The following PALD1 variants were observed in gnomAD, a reference collection of about 807,000 sequenced individuals.
PALD1 encodes the protein phosphatase domain containing paladin 1.
In PALD1, 57 loss-of-function variants were observed where a neutral mutation model predicts 96.0. That is an observed-to-expected ratio of 0.59 (90% CI 0.48 to 0.74). The LOEUF is 0.74. Among genes scored for constraint, PALD1 ranks in the 30% least tolerant of loss-of-function variants. The pLI, the probability that PALD1 is intolerant of heterozygous loss-of-function variation, is 0.00. For missense variants in PALD1, 1,063 were observed against 1,143.7 expected (o/e 0.93, Z 1.02); for synonymous variants, 464 against 473.6 (o/e 0.98, Z 0.26).
At chr10:70,497,507 T>C (rs923821814) in intron 1 of PALD1, among the ~76,000 whole-genome samples, 1 of 151,922 alleles carries the variant, frequency 6.6e-6, no homozygotes, top group African/African-American at 2.4e-5. Flanking sequence ...ATCTGCTCCA[T>C]CTCTCCATCC....
intron 1 of PALD1, among the ~76,000 whole-genome samples, chr10:70,482,000 T>C (rs968596913): frequency 2.0e-5 from 3 of 152,220 alleles, no homozygotes; most frequent in African/African-American, 7.2e-5. Context: ...GTGCAAAGCA[T>C]GTGGCCCAGT....
At position 70,510,393 on chromosome 10, in the gene PALD1, C is replaced by A. The variant is rs56956964; in HGVS notation, c.-29-15530C>A. Among the ~76,000 whole-genome samples, 508 of 152,240 alleles carry A rather than the reference C, an allele frequency of 3.3e-3. 3 individuals carry two copies. The highest frequency in any genetic ancestry group is 0.012 in the African/African-American group (480 of 41,526). The stretch of plus-strand genomic sequence containing the variant: ...TTAGGCCACTCTGAGTTTCTGCTGA[C>A]CTTGAAATGTCCAAATGCCTGACTT... On this transcript the variant is annotated intron_variant, in intron 1 of 19. Transcript: ENST00000263563.
rs182280659 is a variant in PALD1, at chr10:70,540,480, C to T, written c.1909-622C>T. Among the ~76,000 whole-genome samples the T allele has an allele frequency of 3.3e-5, 5 of 151,644 alleles. No homozygotes were observed. In the East Asian group the frequency reaches 7.7e-4, roughly 23 times the overall value. On this transcript the variant is annotated intron_variant, in intron 15 of 19. Transcript: ENST00000263563. The surrounding 1 kb of genome is among the most constrained non-coding windows in gnomAD (Gnocchi z 4.2). ...GTGTCTGTATAGTGTGTGTGTTTAC[C>T]GGACGTGGATCCCTGTGTGGTGCGT...
chr10:70,503,641 A>G (rs746670029), intron 1 of PALD1, among the ~76,000 whole-genome samples: 1 of 152,208 alleles, frequency 6.6e-6, no homozygotes, highest in African/African-American at 2.4e-5. Flanking sequence ...CTCAGAAGAA[A>G]AAAAAGAGAA....
chr10:70,522,106 G>C (rs1243483888), intron 1 of PALD1, among the ~76,000 whole-genome samples: 1 of 152,204 alleles, frequency 6.6e-6, no homozygotes, highest in East Asian at 1.9e-4. Context: ...CAAGGCTGCA[G>C]TGGCTCAGCT....
intron 17 of PALD1, among the ~76,000 whole-genome samples, chr10:70,543,466 G>A (rs188625720): frequency 1.3e-5 from 2 of 152,278 alleles, no homozygotes; most frequent in Non-Finnish European, 2.9e-5. Flanking sequence ...CCAATGTCAT[G>A]AAGCTTCTCC....
At chr10:70,472,322 G>A in the PALD1 span, among the ~76,000 whole-genome samples, 7 of 152,080 alleles carry the variant, frequency 4.6e-5, no homozygotes, top group Non-Finnish European at 4.4e-5. Flanking sequence ...GTGCAATGAC[G>A]CGATCTTGGC....
At chr10:70,507,741 T>TTGTGTG (rs1396668064) in intron 1 of PALD1, among the ~76,000 whole-genome samples, 3 of 127,268 alleles carry the variant, frequency 2.4e-5, no homozygotes, top group South Asian at 2.8e-4. Flanking sequence ...TTTGTATGTT[T>TTGTGTG]TGTGTGTGCG....
At chr10:70,536,911 C>G (rs912321534) in intron 10 of PALD1, among the ~76,000 whole-genome samples, 5 of 152,178 alleles carry the variant, frequency 3.3e-5, no homozygotes, top group African/African-American at 1.2e-4. Flanking sequence ...GACAACCCCC[C>G]ATGCAGAGGA....
At chr10:70,511,538 T>G (rs1046934757) in intron 1 of PALD1, among the ~76,000 whole-genome samples, 1 of 152,234 alleles carries the variant, frequency 6.6e-6, no homozygotes, top group Non-Finnish European at 1.5e-5. Flanking sequence ...TCACAGAATA[T>G]CATGGACTGG....
intron 1 of PALD1, among the ~76,000 whole-genome samples, chr10:70,482,410 G>T (rs984499647): frequency 2.0e-5 from 3 of 152,196 alleles, no homozygotes; most frequent in Non-Finnish European, 4.4e-5. Flanking sequence ...TTGGGCCAAG[G>T]CACTTGCAGA....
chr10:70,560,678 C>G (rs912207620), intron 18 of PALD1, among the ~76,000 whole-genome samples: 1 of 151,886 alleles, frequency 6.6e-6, no homozygotes, highest in South Asian at 2.1e-4. Flanking sequence ...CGGCAAAGAG[C>G]AGAGCTTCAT....
intron 18 of PALD1, among the ~76,000 whole-genome samples, chr10:70,563,693 G>A (rs1285195574): frequency 6.6e-6 from 1 of 152,206 alleles, no homozygotes; most frequent in Non-Finnish European, 1.5e-5. Flanking sequence ...GTCACTTAGG[G>A]ACCTTTGGGC....
Position 70,564,468 on chromosome 10 carries a change from C to T in PALD1, c.2367C>T (p.His789=). ...TGATTCTCTTCAACGCGTACCTCCA[C>T]CTGGAGAAGGCCGACTCCTGGCAGA... ...VCLILFNAYL[H]LEKADSWQRP... Residue 789 remains histidine (H), a synonymous_variant, in exon 19 of 20, where the codon CAC becomes CAT. Transcript: ENST00000263563. The T allele has an allele frequency of 6.2e-7, 1 of 1,614,146 alleles. No homozygotes were observed. Among genetic ancestry groups the T allele is most frequent in the Non-Finnish European group, 8.5e-7 (1 of 1,180,018 alleles).
intron 1 of PALD1, among the ~76,000 whole-genome samples, chr10:70,510,792 C>T (rs2132316972): frequency 6.6e-6 from 1 of 152,332 alleles, no homozygotes; most frequent in Middle Eastern, 3.4e-3. Flanking sequence ...GGCCAGGTCT[C>T]TATCTATAAG....
At chr10:70,470,571 A>C in the PALD1 span, among the ~76,000 whole-genome samples, 8,941 of 142,192 alleles carry the variant, frequency 0.063, 990 homozygotes, top group East Asian at 0.5. Context: ...ATAATAAATA[A>C]TATTATTTTT....
At chr10:70,503,160 G>T (rs1161031004) in intron 1 of PALD1, among the ~76,000 whole-genome samples, 1 of 152,070 alleles carries the variant, frequency 6.6e-6, no homozygotes, top group Non-Finnish European at 1.5e-5. Context: ...GATTATAGGG[G>T]TGAACCACCA....
At chr10:70,490,165 C>A (rs1407343729) in intron 1 of PALD1, among the ~76,000 whole-genome samples, 2 of 152,066 alleles carry the variant, frequency 1.3e-5, no homozygotes, top group East Asian at 3.9e-4. Flanking sequence ...TCAGGTGATC[C>A]ATCTGCCTCG....
At chr10:70,510,142 G>A (rs1280133617) in intron 1 of PALD1, among the ~76,000 whole-genome samples, 1 of 152,116 alleles carries the variant, frequency 6.6e-6, no homozygotes, top group Non-Finnish European at 1.5e-5. Context: ...CTTGAGTGCT[G>A]GGCAAAGGAG....
Sources: allele counts gnomAD v4.1 joint callset (sites outside exome capture counted in the v4.1 genomes callset), GRCh38; gene constraint gnomAD v4.1.1; non-coding constraint Gnocchi (gnomAD v3.1); transcripts MANE v1.5; gene names NCBI Gene and HGNC (gene_info 2026-07-23, HGNC 2026-07-21).